TUBB: variants seen among roughly 807,000 people sequenced by gnomAD.
The protein encoded by TUBB is tubulin beta class I, also known as tubulin beta chain.
Under a neutral mutation model 35.1 loss-of-function variants are expected in TUBB, and 2 were observed. The observed-to-expected ratio is 0.06, with a 90% confidence interval of 0.02 to 0.18. The LOEUF (loss-of-function observed/expected upper bound fraction) is 0.18, where lower values mean the gene tolerates loss of function less well. TUBB is among the 10% of genes least tolerant of loss of function. The pLI is 1.00. For synonymous variants in TUBB, 205 were observed against 223.8 expected, an observed-to-expected ratio of 0.92 and a Z score of 0.75; for missense variants, 50 against 599.4, an observed-to-expected ratio of 0.08 and a Z score of 9.57.
At position 30,724,053 on chromosome 6, in the gene TUBB, C is replaced by A. The variant is rs1279362358; in HGVS notation, c.991C>A (p.Leu331Ile). 1 of 1,613,958 alleles carries A rather than the reference C, an allele frequency of 6.2e-7. No homozygotes were observed. Among genetic ancestry groups the A allele is most frequent in the Non-Finnish European group, 8.5e-7 (1 of 1,179,992 alleles). The part of the protein sequence containing the change: ...MSMKEVDEQM[L>I]NVQNKNSSYF... ...CATGAAGGAGGTCGATGAGCAGATG[C>A]TTAACGTGCAGAACAAGAACAGCAG... The change falls in exon 4 of 4, where the codon CTT becomes ATT. Residue 331 changes from leucine (L) to isoleucine (I), a missense_variant. Physicochemically the swap from Leu to Ile is conservative, Grantham distance 5 (BLOSUM62 2). Around this residue, in one of 2 missense-constraint regions of TUBB, gnomAD observed 38 missense variants for 578.9 expected, o/e 0.07. Transcript: ENST00000327892. This position sits in a 1 kb window ranked among gnomAD's most constrained non-coding sequence, Gnocchi z 4.4.
chr6:30,720,594 T>G, intron 1 of TUBB, 31 bp downstream of exon 1: 3 of 1,595,556 alleles, frequency 1.9e-6, no homozygotes, highest in Non-Finnish European at 2.6e-6. Context: ...TTATTTCTTT[T>G]TACAAGGAAA....
rs1005153319 is a variant in TUBB, at chr6:30,720,362, C to T, written c.-145C>T. The T allele has an allele frequency of 3.8e-6, 3 of 786,176 alleles. No homozygotes were observed. Among genetic ancestry groups the T allele is most frequent in the Non-Finnish European group, 4.4e-6 (2 of 450,946 alleles). 48.7% of individuals were successfully genotyped at this position (786,176 alleles called of 1,614,324 possible). On this transcript the variant is annotated 5_prime_UTR_variant, in exon 1 of 4. Transcript: ENST00000327892. Reference sequence around the variant, plus strand: ...CCCTCTCCTTTCTCCCTCTCAGAACCTTCCTGCCGTCGCGTTTGCACCTCG... The same window carrying T: ...CCCTCTCCTTTCTCCCTCTCAGAACTTTCCTGCCGTCGCGTTTGCACCTCG...
At chr6:30,722,784 C>A in intron 2 of TUBB, 134 bp from the exon 3 acceptor site, 1 of 1,115,576 alleles carries the variant, frequency 9.0e-7, no homozygotes, top group Non-Finnish European at 1.3e-6. Flanking sequence ...CCGTCGGGGC[C>A]AAAGACGTCT....
intron 1 of TUBB, chr6:30,721,491 A>T: frequency 1.1e-6 from 1 of 949,488 alleles, no homozygotes; most frequent in Non-Finnish European, 1.3e-6. Context: ...GGGGCGCGCT[A>T]CCTTGGGCCC....
rs25497 is a variant in TUBB, at chr6:30,723,713, G to A, written c.651G>A (p.Leu217=). 29,096 of 1,614,152 alleles carry A rather than the reference G, an allele frequency of 0.018. 884 individuals are homozygous for A. The highest frequency in any genetic ancestry group is 0.13 in the East Asian group (6,027 of 44,880). The change falls in exon 4 of 4, where the codon CTG becomes CTA. Residue 217 remains leucine, a synonymous_variant. Transcript: ENST00000327892. Reference sequence around the variant, plus strand: ...ATATCTGCTTCCGCACTCTGAAGCTGACCACACCAACCTACGGGGATCTGA... The same window carrying A: ...ATATCTGCTTCCGCACTCTGAAGCTAACCACACCAACCTACGGGGATCTGA... ...LYDICFRTLK[L]TTPTYGDLNH... is the part of the protein sequence containing the mutation.
At position 30,723,425 on chromosome 6, in the gene TUBB, G is replaced by A; in HGVS notation, c.363G>A (p.Arg121=). The A allele has an allele frequency of 6.2e-7, 1 of 1,614,178 alleles. No individual in the cohort carries two copies. The highest frequency in any genetic ancestry group is 8.5e-7 in the Non-Finnish European group (1 of 1,180,002). Residue 121 remains arginine, a synonymous_variant, in exon 4 of 4, where the codon CGG becomes CGA. Transcript: ENST00000327892. The part of the protein sequence containing the change: ...ELVDSVLDVV[R]KEAESCDCLQ... ...TTGATTCTGTCCTGGATGTGGTACG[G>A]AAGGAGGCAGAGAGCTGTGACTGCC...
In TUBB at chr6:30,723,461, C is replaced by T; in HGVS notation, c.399C>T (p.Phe133=). ...EAESCDCLQG[F]QLTHSLGGGT... ...AGAGCTGTGACTGCCTGCAGGGCTTCCAGCTGACCCACTCACTGGGCGGGG... is the reference window on the plus strand; with the variant it reads ...AGAGCTGTGACTGCCTGCAGGGCTTTCAGCTGACCCACTCACTGGGCGGGG... The change falls in exon 4 of 4, where the codon TTC becomes TTT. Residue 133 remains phenylalanine (F), a synonymous_variant. Coordinates refer to ENST00000327892, the MANE Select transcript of TUBB (RefSeq NM_178014.4). 1.2e-6 allele frequency: 2 copies of T among 1,614,176 alleles called. No individual in the cohort carries two copies. The highest frequency in any genetic ancestry group is 2.2e-5 in the South Asian group (2 of 91,082).
chr6:30,720,578 C>T lies in TUBB; in HGVS notation c.57+15C>T. ...TCGGTGCCAAGGTAAGAATTTTACA[C>T]CTCTTTTATTTCTTTTTACAAGGAA... On this transcript the variant is annotated intron_variant, in intron 1 of 3. Transcript: ENST00000327892. The T allele has an allele frequency of 6.2e-7, 1 of 1,604,624 alleles. No homozygotes were observed. The highest frequency in any genetic ancestry group is 8.5e-7 in the Non-Finnish European group (1 of 1,176,044).
rs368989516 is a variant in TUBB, at chr6:30,722,280, T to A, written c.58-257T>A. 90 of 440,198 alleles carry A rather than the reference T, an allele frequency of 2.0e-4. 4 individuals are homozygous for A. Among genetic ancestry groups the A allele is most frequent in the East Asian group, 9.6e-4 (23 of 23,966 alleles). The allele number at this position is 440,198 out of a possible 1,614,324, so 27.3% of individuals were successfully genotyped here. The stretch of plus-strand genomic sequence containing the variant: ...CCAACATGGTGAAACCCGTCTCTAC[T>A]AAAAATACAAAAAGTAGCTGGGCGT... On this transcript the variant is annotated intron_variant, in intron 1 of 3. Coordinates refer to ENST00000327892, the MANE Select transcript of TUBB (RefSeq NM_178014.4).
intron 1 of TUBB, chr6:30,721,925 C>A: frequency 1.0e-6 from 1 of 982,166 alleles, no homozygotes; most frequent in East Asian, 1.1e-4. Flanking sequence ...CCCTCCAGGT[C>A]AGGGGTTCGA....
Position 30,723,389 on chromosome 6 carries a change from C to T in TUBB, c.327C>T (p.Gly109=), listed in dbSNP as rs139202417. 13 of 1,612,366 alleles carry T rather than the reference C, an allele frequency of 8.1e-6. No homozygotes were observed. The highest frequency in any genetic ancestry group is 1.6e-4 in the Middle Eastern group (1 of 6,082). ...GGGCCAAAGGCCACTACACAGAGGGCGCCGAGCTGGTTGATTCTGTCCTGG... is the reference window on the plus strand; with the variant it reads ...GGGCCAAAGGCCACTACACAGAGGGTGCCGAGCTGGTTGATTCTGTCCTGG... ...NNWAKGHYTE[G]AELVDSVLDV... The change falls in exon 4 of 4, where the codon GGC becomes GGT. Residue 109 remains glycine, a synonymous_variant. Coordinates refer to ENST00000327892, the MANE Select transcript of TUBB (RefSeq NM_178014.4).
Position 30,724,401 on chromosome 6 carries a change from AGAGCCCCCATCACC to A in TUBB, c.*5_*18del, listed in dbSNP as rs1160649260. 1 of 1,606,704 alleles carries A rather than the reference AGAGCCCCCATCACC, an allele frequency of 6.2e-7. No homozygotes were observed. The highest frequency in any genetic ancestry group is 2.2e-5 in the East Asian group (1 of 44,866). On this transcript the variant is annotated 3_prime_UTR_variant, in exon 4 of 4. Coordinates refer to ENST00000327892, the MANE Select transcript of TUBB (RefSeq NM_178014.4). This position sits in a 1 kb window ranked among gnomAD's most constrained non-coding sequence, Gnocchi z 4.4. ...GGAGGCCGAAGAGGAGGCCTAAGGC[AGAGCCCCCATCACC>A]TCAGGCTTCTCAGTTCCCTTAGCCG...
chr6:30,720,700 A>G, intron 1 of TUBB, 137 bp downstream of exon 1: 2 of 722,202 alleles, frequency 2.8e-6, no homozygotes, highest in Non-Finnish European at 4.6e-6. Flanking sequence ...ATTTATATAT[A>G]TAACAATTGT....
intron 1 of TUBB, chr6:30,722,201 T>G (rs1225608694): frequency 3.5e-6 from 1 of 288,482 alleles, no homozygotes; most frequent in Non-Finnish European, 6.8e-6. Flanking sequence ...ATCCCAGCAC[T>G]TTGGGAGGCC....
rs1776506043 is a variant in TUBB, at chr6:30,724,516, T to G, written c.*119T>G. 1.2e-5 allele frequency: 10 copies of G among 860,652 alleles called. No homozygotes were observed. Among genetic ancestry groups the G allele is most frequent in the Admixed American group, 5.7e-5 (2 of 35,204 alleles). 53.3% of individuals were successfully genotyped at this position (860,652 alleles called of 1,614,324 possible). ...CTATCTTGTTTTTTGTTTTTTCTTC[T>G]GGGGGGGGTCTAGAACAGTGCCTGG... On this transcript the variant is annotated 3_prime_UTR_variant, in exon 4 of 4. Transcript: ENST00000327892. This position sits in a 1 kb window ranked among gnomAD's most constrained non-coding sequence, Gnocchi z 4.4.
chr6:30,725,234 A>G lies in TUBB; in HGVS notation c.*837A>G, dbSNP rs1209064961. ...GTGTTTGAGTCAGTCCCCAGAGGAGAGGGGAACCCTCCTCCATCTTTTTTG... is the reference window on the plus strand; with the variant it reads ...GTGTTTGAGTCAGTCCCCAGAGGAGGGGGGAACCCTCCTCCATCTTTTTTG... On this transcript the variant is annotated 3_prime_UTR_variant, in exon 4 of 4. Coordinates refer to ENST00000327892, the MANE Select transcript of TUBB (RefSeq NM_178014.4). 1.3e-5 allele frequency: 2 copies of G among 159,210 alleles called. No homozygotes were observed. The highest frequency in any genetic ancestry group is 2.1e-4 in the South Asian group (1 of 4,874). 9.9% of individuals were successfully genotyped at this position (159,210 alleles called of 1,614,324 possible).
In TUBB at chr6:30,724,381, C is replaced by G; in HGVS notation, c.1319C>G (p.Ala440Gly). 1 of 1,611,332 alleles carries G rather than the reference C, an allele frequency of 6.2e-7. No homozygotes were observed. The highest frequency in any genetic ancestry group is 8.5e-7 in the Non-Finnish European group (1 of 1,179,258). Reference protein sequence around the residue: ...AEEEEDFGEEAEEEA With the variant: ...AEEEEDFGEEGEEEA Reference sequence around the variant, plus strand: ...GAGGAGGAGGATTTCGGTGAGGAGGCCGAAGAGGAGGCCTAAGGCAGAGCC... The same window carrying G: ...GAGGAGGAGGATTTCGGTGAGGAGGGCGAAGAGGAGGCCTAAGGCAGAGCC... Residue 440 changes from alanine to glycine, a missense_variant, in exon 4 of 4, where the codon GCC becomes GGC. Ala to Gly is a moderately conservative substitution (Grantham distance 60). Coordinates refer to ENST00000327892, the MANE Select transcript of TUBB (RefSeq NM_178014.4). This position sits in a 1 kb window ranked among gnomAD's most constrained non-coding sequence, Gnocchi z 4.4.
Position 30,724,566 on chromosome 6 carries a change from C to T in TUBB, c.*169C>T. Reference sequence around the variant, plus strand: ...GCACATAGTAGGCGCTCAATAAATACTTGTTTGTTGAATGTCTCCTCTCTC... The same window carrying T: ...GCACATAGTAGGCGCTCAATAAATATTTGTTTGTTGAATGTCTCCTCTCTC... On this transcript the variant is annotated 3_prime_UTR_variant, in exon 4 of 4. Transcript: ENST00000327892. This position sits in a 1 kb window ranked among gnomAD's most constrained non-coding sequence, Gnocchi z 4.4. 1.7e-6 allele frequency: 1 copy of T among 600,272 alleles called. No individual in the cohort carries two copies. Among genetic ancestry groups the T allele is most frequent in the South Asian group, 2.4e-5 (1 of 42,004 alleles). 37.2% of individuals were successfully genotyped at this position (600,272 alleles called of 1,614,324 possible).
rs907359511 is a variant in TUBB at position 30,720,366 on chromosome 6, C to T, written c.-141C>T. The T allele has an allele frequency of 1.9e-5, 15 of 796,782 alleles. No individual in the cohort carries two copies. The highest frequency in any genetic ancestry group is 1.1e-4 in the East Asian group (4 of 37,618). 49.4% of individuals were successfully genotyped at this position (796,782 alleles called of 1,614,324 possible). A position where few individuals can be genotyped will look rare whatever the true frequency, so the allele number is the denominator to read the frequency against. ...CTCCTTTCTCCCTCTCAGAACCTTCCTGCCGTCGCGTTTGCACCTCGCTGC... is the reference window on the plus strand; with the variant it reads ...CTCCTTTCTCCCTCTCAGAACCTTCTTGCCGTCGCGTTTGCACCTCGCTGC... On this transcript the variant is annotated 5_prime_UTR_variant, in exon 1 of 4. Transcript: ENST00000327892.
Sources: allele counts gnomAD v4.1 joint callset, GRCh38; gene constraint gnomAD v4.1.1; regional missense constraint gnomAD v4.1.1; non-coding constraint Gnocchi (gnomAD v3.1); transcripts MANE v1.5; gene names NCBI Gene and HGNC (gene_info 2026-07-23, HGNC 2026-07-21).